The following NRXN1 variants were observed in gnomAD, a reference collection of about 807,000 sequenced individuals.
The protein encoded by NRXN1 is neurexin-1.
NRXN1 carries 39 observed loss-of-function variants against 150.9 expected under a neutral mutation model. The ratio of observed to expected loss-of-function variants is 0.26; its 90% CI spans 0.20 to 0.34. NRXN1 has a LOEUF of 0.34. Among genes scored for constraint, NRXN1 ranks in the 10% least tolerant of loss-of-function variants. The probability of loss-of-function intolerance (pLI) is 1.00; values close to 1 mark genes in which losing one functional copy is unlikely to be tolerated. For synonymous variants in NRXN1, 924 were observed against 757.0 expected, an observed-to-expected ratio of 1.22 and a Z score of -3.62; for missense variants, 1,815 against 1,949.9, an observed-to-expected ratio of 0.93 and a Z score of 1.30.
intron 21 of NRXN1, among the ~76,000 whole-genome samples, chr2:49,967,818 A>G (rs1425315781): frequency 6.6e-6 from 1 of 152,074 alleles, no homozygotes; most frequent in Admixed American, 6.6e-5. Flanking sequence ...CACTTGTTGC[A>G]GTGGATGTCT....
chr2:50,808,957 C>A (rs1450784920), intron 5 of NRXN1, among the ~76,000 whole-genome samples: 1 of 152,080 alleles, frequency 6.6e-6, no homozygotes, highest in Non-Finnish European at 1.5e-5. Flanking sequence ...AACATATTGA[C>A]AACTTTTAGG....
chr2:50,676,866 T>C (rs1443218937), intron 5 of NRXN1, among the ~76,000 whole-genome samples: 1 of 151,236 alleles, frequency 6.6e-6, no homozygotes, highest in Non-Finnish European at 1.5e-5. Flanking sequence ...CATTCATTCA[T>C]TTATTTTAAA....
intron 17 of NRXN1, among the ~76,000 whole-genome samples, chr2:50,359,423 T>C (rs993015406): frequency 8.6e-5 from 13 of 151,276 alleles, no homozygotes; most frequent in East Asian, 2.0e-4. Context: ...AATGACCTGA[T>C]GGAGCTGAAA....
intron 21 of NRXN1, among the ~76,000 whole-genome samples, chr2:49,946,977 A>C (rs1336902946): frequency 6.6e-6 from 1 of 152,190 alleles, no homozygotes; most frequent in Non-Finnish European, 1.5e-5. Context: ...AGAAAGCTTT[A>C]AAAGCAAAGA....
intron 15 of NRXN1, among the ~76,000 whole-genome samples, chr2:50,490,698 G>C (rs749160628): frequency 6.6e-6 from 1 of 152,204 alleles, no homozygotes; most frequent in Non-Finnish European, 1.5e-5. Context: ...AGACAGAATA[G>C]AGCGAGGGTG....
At chr2:50,731,812 G>A (rs942337259) in intron 5 of NRXN1, among the ~76,000 whole-genome samples, 6 of 152,142 alleles carry the variant, frequency 3.9e-5, no homozygotes, top group African/African-American at 1.4e-4. Flanking sequence ...ACGCAACCCA[G>A]TTTGTACATT....
intron 5 of NRXN1, among the ~76,000 whole-genome samples, chr2:50,777,066 T>C (rs1053429844): frequency 4.6e-5 from 7 of 152,140 alleles, no homozygotes; most frequent in Non-Finnish European, 7.4e-5. Flanking sequence ...TAGAATGTCA[T>C]TTGCATGCTT....
At chr2:49,939,233 G>A (rs1280535856) in intron 22 of NRXN1, among the ~76,000 whole-genome samples, 1 of 151,938 alleles carries the variant, frequency 6.6e-6, no homozygotes, top group East Asian at 1.9e-4. Flanking sequence ...TTTTTCTCTA[G>A]GCTGAGAAAA....
chr2:50,740,248 C>A (rs1294504630), intron 5 of NRXN1, among the ~76,000 whole-genome samples: 1 of 152,124 alleles, frequency 6.6e-6, no homozygotes, highest in African/African-American at 2.4e-5. Flanking sequence ...CCTTCTAATG[C>A]CTGTGACTGG....
chr2:50,643,656 T>C (rs1426233506), intron 5 of NRXN1, among the ~76,000 whole-genome samples: 1 of 151,964 alleles, frequency 6.6e-6, no homozygotes, highest in Non-Finnish European at 1.5e-5. Context: ...TTAAGTATTG[T>C]ATCCTTTATG....
At chr2:50,676,890 C>T (rs1189186451) in intron 5 of NRXN1, among the ~76,000 whole-genome samples, 1 of 152,124 alleles carries the variant, frequency 6.6e-6, no homozygotes, top group Non-Finnish European at 1.5e-5. Context: ...ACACATAAAA[C>T]ATTGATTAAT....
chr2:50,458,672 C>T (rs551139226), intron 17 of NRXN1, among the ~76,000 whole-genome samples: 6 of 151,788 alleles, frequency 4.0e-5, no homozygotes, highest in South Asian at 2.1e-4. Flanking sequence ...CTCCTCCTCT[C>T]GGGTTCAAGT....
At chr2:50,764,567 T>A (rs1230924676) in intron 5 of NRXN1, among the ~76,000 whole-genome samples, 3 of 152,010 alleles carry the variant, frequency 2.0e-5, no homozygotes, top group Non-Finnish European at 4.4e-5. Context: ...ATTCCCCATG[T>A]GGTTATATGC....
At chr2:50,665,885 T>C (rs1559096036) in intron 5 of NRXN1, among the ~76,000 whole-genome samples, 1 of 151,982 alleles carries the variant, frequency 6.6e-6, no homozygotes, top group Admixed American at 6.6e-5. Flanking sequence ...TTTATAAGCA[T>C]CTTCTTAAGA....
intron 17 of NRXN1, among the ~76,000 whole-genome samples, chr2:50,428,394 G>A (rs181697404): frequency 2.0e-5 from 3 of 152,284 alleles, no homozygotes; most frequent in Non-Finnish European, 4.4e-5. Context: ...CAGCCTGGGC[G>A]ACAGAGCGAA....
intron 17 of NRXN1, among the ~76,000 whole-genome samples, chr2:50,329,762 C>G (rs1286308238): frequency 1.4e-5 from 2 of 147,572 alleles, no homozygotes; most frequent in African/African-American, 2.5e-5. Context: ...CAACCTCCAC[C>G]TCCCAGGTTC....
At chr2:50,800,557 T>A (rs1707447879) in intron 5 of NRXN1, among the ~76,000 whole-genome samples, 1 of 149,532 alleles carries the variant, frequency 6.7e-6, no homozygotes, top group African/African-American at 2.5e-5. Flanking sequence ...TAATAATGAA[T>A]TTTTTTTTTA....
intron 22 of NRXN1, among the ~76,000 whole-genome samples, chr2:49,943,210 A>C (rs141409436): frequency 4.5e-4 from 68 of 152,332 alleles, no homozygotes; most frequent in African/African-American, 1.5e-3. Flanking sequence ...GATATCAACG[A>C]GTCTACCTGC....
chr2:50,464,384 T>G (rs1406894305), intron 17 of NRXN1: 29 of 151,910 alleles, frequency 1.9e-4, no homozygotes, highest in Admixed American at 1.8e-3. Context: ...AATTGTACTT[T>G]ATTGCTAGGC....
Sources: gnomAD v4.1 joint callset for allele counts (sites outside exome capture counted in the v4.1 genomes callset) on GRCh38, gnomAD v4.1.1 for gene constraint, MANE v1.5 for transcripts, NCBI Gene and HGNC (gene_info 2026-07-23, HGNC 2026-07-21) for gene names.